LAMA2: variants seen among roughly 807,000 people sequenced by gnomAD.
LAMA2 encodes the protein laminin subunit alpha 2, also known as laminin subunit alpha-2.
In LAMA2, 269 loss-of-function variants were observed where a neutral mutation model predicts 364.8. The observed-to-expected ratio is 0.74, with a 90% CI of 0.67 to 0.82. The LOEUF (loss-of-function observed/expected upper bound fraction) is 0.82, where lower values mean the gene tolerates loss of function less well. Among genes scored for constraint, LAMA2 ranks in the 40% least tolerant of loss-of-function variants. LAMA2 has a pLI of 0.00. For missense variants in LAMA2, 3,807 were observed against 3,873.2 expected, an observed-to-expected ratio of 0.98 and a Z score of 0.45; for synonymous variants, 1,379 against 1,370.6, an observed-to-expected ratio of 1.01 and a Z score of -0.14.
intron 34 of LAMA2, among the ~76,000 whole-genome samples, chr6:129,382,166 G>T (rs1778727148): frequency 6.6e-6 from 1 of 152,108 alleles, no homozygotes; most frequent in Non-Finnish European, 1.5e-5. Flanking sequence ...TATTGAGACA[G>T]TTTGTGATTC....
At chr6:129,446,877 C>A (rs1286659805) in intron 45 of LAMA2, among the ~76,000 whole-genome samples, 1 of 151,582 alleles carries the variant, frequency 6.6e-6, no homozygotes, top group Non-Finnish European at 1.5e-5. Context: ...TCACGACTGA[C>A]TGAAAAAAAA....
Position 129,190,264 on chromosome 6 carries a change from G to A in LAMA2, c.1527G>A (p.Glu509=). The change falls in exon 11 of 65, where the codon GAG becomes GAA. Residue 509 remains glutamate (E), a synonymous_variant. Coordinates refer to ENST00000421865, the MANE Select transcript of LAMA2 (RefSeq NM_000426.4). ...RCKSGFFNLQ[E]DNWKGCDECF... is the part of the protein sequence containing the mutation. ...AATCCGGCTTCTTCAATTTGCAAGAGGATAATTGGAAAGGCTGCGATGAGT... is the reference window on the plus strand; with the variant it reads ...AATCCGGCTTCTTCAATTTGCAAGAAGATAATTGGAAAGGCTGCGATGAGT... 6.2e-7 allele frequency: 1 copy of A among 1,613,716 alleles called. No individual in the cohort carries two copies. Among genetic ancestry groups the A allele is most frequent in the Non-Finnish European group, 8.5e-7 (1 of 1,179,644 alleles).
intron 20 of LAMA2, chr6:129,293,033 G>A: frequency 1.3e-5 from 13 of 985,944 alleles, no homozygotes; most frequent in Non-Finnish European, 1.6e-5. Flanking sequence ...GCTCCAGCGG[G>A]TGCCCTCGGG....
At chr6:129,292,101 C>T (rs1251054815) in intron 20 of LAMA2, among the ~76,000 whole-genome samples, 1 of 152,170 alleles carries the variant, frequency 6.6e-6, no homozygotes, top group African/African-American at 2.4e-5. Context: ...AATCCCAGCA[C>T]TTTGGGAGGC....
chr6:129,202,625 A>G (rs1252408209), intron 12 of LAMA2, among the ~76,000 whole-genome samples: 1 of 152,180 alleles, frequency 6.6e-6, no homozygotes, highest in Non-Finnish European at 1.5e-5. Context: ...ATTTTGTTGT[A>G]GCAGCCTGAA....
At chr6:129,509,736 A>G (rs1266473039) in intron 62 of LAMA2, among the ~76,000 whole-genome samples, 1 of 152,146 alleles carries the variant, frequency 6.6e-6, no homozygotes, top group African/African-American at 2.4e-5. Context: ...TGCCAGTACT[A>G]TGCCGTTTGG....
intron 42 of LAMA2, among the ~76,000 whole-genome samples, chr6:129,440,240 G>T (rs1782039473): frequency 6.6e-6 from 1 of 151,830 alleles, no homozygotes; most frequent in Non-Finnish European, 1.5e-5. Flanking sequence ...ATACAACACA[G>T]TTAATATTAA....
At chr6:129,176,186 C>T (rs140049899) in intron 9 of LAMA2, among the ~76,000 whole-genome samples, 1,623 of 151,664 alleles carry the variant, frequency 0.011, 12 homozygotes, top group Non-Finnish European at 0.019. Flanking sequence ...TCTCTTTAAC[C>T]CAAGAGTTAT....
chr6:129,409,697 A>G (rs546421983), intron 40 of LAMA2, among the ~76,000 whole-genome samples: 11 of 152,278 alleles, frequency 7.2e-5, no homozygotes, highest in African/African-American at 2.4e-4. Context: ...GGAGTCACCT[A>G]TGGGAGCCTG....
chr6:129,134,053 A>G (rs1265120665), intron 4 of LAMA2, among the ~76,000 whole-genome samples: 1 of 152,198 alleles, frequency 6.6e-6, no homozygotes, highest in Admixed American at 6.5e-5. Flanking sequence ...TTTATTTTAA[A>G]CAAGTGTTCC....
intron 43 of LAMA2, among the ~76,000 whole-genome samples, 194 bp downstream of exon 43, chr6:129,441,192 G>A (rs187819253): frequency 2.0e-5 from 3 of 152,156 alleles, no homozygotes; most frequent in South Asian, 2.1e-4. Context: ...GCTCTGCCCC[G>A]GTGCTTTTTT....
chr6:129,324,605 A>G lies in LAMA2; in HGVS notation c.4177-3673A>G, dbSNP rs148274825. 8.6e-3 allele frequency among the ~76,000 whole-genome samples: 1,303 copies of G among 152,310 alleles called. 7 individuals are homozygous for G. Among genetic ancestry groups the G allele is most frequent in the Non-Finnish European group, 0.012 (836 of 68,024 alleles). On this transcript the variant is annotated intron_variant, in intron 28 of 64. Coordinates refer to ENST00000421865, the MANE Select transcript of LAMA2 (RefSeq NM_000426.4). ...ATTGTGCAAACATCATAGAGTGTAC[A>G]TACACAAACCTAAATGGTGTAGCCT...
chr6:129,201,642 A>G (rs1026858729), intron 12 of LAMA2, among the ~76,000 whole-genome samples: 1 of 152,182 alleles, frequency 6.6e-6, no homozygotes, highest in East Asian at 1.9e-4. Flanking sequence ...AAATAAATTA[A>G]CTGCATGCCA....
chr6:128,917,344 T>G (rs1048974111), intron 1 of LAMA2, among the ~76,000 whole-genome samples: 17 of 152,112 alleles, frequency 1.1e-4, no homozygotes, highest in Non-Finnish European at 2.9e-5. Flanking sequence ...ATTATTTTTC[T>G]TAACTATTTA....
At chr6:129,158,220 G>A (rs1321806357) in intron 8 of LAMA2, 3 of 1,613,810 alleles carry the variant, frequency 1.9e-6, no homozygotes, top group Admixed American at 3.3e-5. Context: ...CTGAGTCCAG[G>A]AACCTGTACC....
intron 14 of LAMA2, among the ~76,000 whole-genome samples, chr6:129,258,438 T>G (rs1051686649): frequency 2.0e-5 from 3 of 152,028 alleles, no homozygotes; most frequent in Admixed American, 1.3e-4. Flanking sequence ...TGATACATGC[T>G]GCAATGAAGT....
intron 4 of LAMA2, among the ~76,000 whole-genome samples, chr6:129,107,446 C>T (rs1775895926): frequency 6.6e-6 from 1 of 151,990 alleles, no homozygotes; most frequent in African/African-American, 2.4e-5. Context: ...CACATGAGGC[C>T]ATGGCTAGGG....
chr6:128,908,447 T>C lies in LAMA2; in HGVS notation c.112+25090T>C, dbSNP rs1270475053. ...TAGAGGTGTTTATAGTATTCTCTGA[T>C]GGTAGTTTGTATTTCTGTGGGATCG... On this transcript the variant is annotated intron_variant, in intron 1 of 64. Transcript: ENST00000421865. Among the ~76,000 whole-genome samples the C allele has an allele frequency of 4.4e-3, 662 of 149,774 alleles. 5 individuals are homozygous for C. The highest frequency in any genetic ancestry group is 0.015 in the African/African-American group (617 of 41,018).
Position 129,127,847 on chromosome 6 carries a change from A to AT in LAMA2, c.640-16045dup, listed in dbSNP as rs113465472. ...TATTCAGCTTCCTTGCTCATTTTTA[A>AT]TTTTTTTTTCTTCCTCTTAAGTTGA... On this transcript the variant is annotated intron_variant, in intron 4 of 64. Transcript: ENST00000421865. Among the ~76,000 whole-genome samples, 18 of 150,434 alleles carry AT rather than the reference A, an allele frequency of 1.2e-4. No individual in the cohort carries two copies. The East Asian group carries it at 2.3e-3, about 20-fold the overall frequency.
Sources: gnomAD v4.1 joint callset for allele counts (sites outside exome capture counted in the v4.1 genomes callset) on GRCh38, gnomAD v4.1.1 for gene constraint, MANE v1.5 for transcripts, NCBI Gene and HGNC (gene_info 2026-07-23, HGNC 2026-07-21) for gene names.